The following SLC39A11 variants were observed in gnomAD, a reference collection of about 807,000 sequenced individuals.
SLC39A11 encodes the protein zinc transporter ZIP11.
A neutral mutation model predicts 36.1 loss-of-function variants in SLC39A11; 33 were observed. The observed-to-expected ratio is 0.91, with a 90% CI of 0.69 to 1.22. SLC39A11 has a LOEUF of 1.22. Ranked by LOEUF, SLC39A11 falls within the 50% of genes most tolerant of loss-of-function variation. SLC39A11 has a pLI of 0.00. For synonymous variants in SLC39A11, 166 were observed against 170.3 expected, an observed-to-expected ratio of 0.97 and a Z score of 0.20; for missense variants, 432 against 430.3, an observed-to-expected ratio of 1.00 and a Z score of -0.03.
At chr17:72,663,520 G>A (rs955756146) in intron 7 of SLC39A11, among the ~76,000 whole-genome samples, 3 of 152,118 alleles carry the variant, frequency 2.0e-5, no homozygotes, top group Admixed American at 1.3e-4. Context: ...TCTCCTGAAG[G>A]AGAATCACTA....
At chr17:72,698,844 G>T (rs989314425) in intron 7 of SLC39A11, among the ~76,000 whole-genome samples, 1 of 151,926 alleles carries the variant, frequency 6.6e-6, no homozygotes, top group East Asian at 1.9e-4. Flanking sequence ...TTTTTGTTTT[G>T]TTTTGAGAGG....
At chr17:73,090,633 T>A (rs1261440631) in intron 1 of SLC39A11, among the ~76,000 whole-genome samples, 2 of 152,218 alleles carry the variant, frequency 1.3e-5, no homozygotes, top group Non-Finnish European at 2.9e-5. Context: ...AAAACACCTT[T>A]CTTTCCTGTA....
intron 5 of SLC39A11, among the ~76,000 whole-genome samples, chr17:72,878,122 A>G (rs1473553787): frequency 6.6e-6 from 1 of 151,924 alleles, no homozygotes; most frequent in Non-Finnish European, 1.5e-5. Flanking sequence ...TTCCAGCTTC[A>G]TCCATGTCCC....
At position 72,872,586 on chromosome 17, in the gene SLC39A11, C is replaced by T. The variant is rs1305357001; in HGVS notation, c.431-22782G>A. Among the ~76,000 whole-genome samples the T allele has an allele frequency of 4.6e-5, 7 of 152,328 alleles. No homozygotes were observed. In the South Asian group the frequency reaches 1.2e-3, roughly 27 times the overall value. On this transcript the variant is annotated intron_variant, in intron 5 of 9. Coordinates refer to ENST00000255559, the MANE Select transcript of SLC39A11 (RefSeq NM_139177.4). ...CTTACATAGCTGATCCATCTTGCTT[C>T]TAACCTCATAAGCTGTCATCCCTGG...
At chr17:73,055,140 A>G (rs1365886589) in intron 3 of SLC39A11, among the ~76,000 whole-genome samples, 2 of 152,208 alleles carry the variant, frequency 1.3e-5, no homozygotes, top group South Asian at 2.1e-4. Flanking sequence ...GTCCCAAGCC[A>G]GTTGGCTGCT....
intron 7 of SLC39A11, among the ~76,000 whole-genome samples, chr17:72,667,621 C>G (rs187761238): frequency 2.6e-5 from 4 of 152,232 alleles, no homozygotes; most frequent in Admixed American, 2.6e-4. Flanking sequence ...CATATGCTAC[C>G]AATGCTATGA....
intron 6 of SLC39A11, among the ~76,000 whole-genome samples, chr17:72,769,001 C>T (rs1290099775): frequency 6.6e-6 from 1 of 152,158 alleles, no homozygotes; most frequent in African/African-American, 2.4e-5. Flanking sequence ...ACCTCATGAT[C>T]CACCCACTTC....
chr17:72,711,525 G>C (rs1186471833), intron 7 of SLC39A11, among the ~76,000 whole-genome samples: 1 of 152,308 alleles, frequency 6.6e-6, no homozygotes, highest in Admixed American at 6.5e-5. Context: ...CTAGGTGAGA[G>C]AGAAATCAAC....
intron 3 of SLC39A11, among the ~76,000 whole-genome samples, chr17:73,057,460 A>G (rs948186625): frequency 6.6e-6 from 1 of 152,188 alleles, no homozygotes; most frequent in Non-Finnish European, 1.5e-5. Flanking sequence ...CCTAGTCTGA[A>G]TTTACTTTTT....
chr17:72,841,495 TA>T (rs1475009745), intron 6 of SLC39A11, among the ~76,000 whole-genome samples: 1 of 152,050 alleles, frequency 6.6e-6, no homozygotes. Flanking sequence ...AGCTAAAAAT[TA>T]AAACAATTGA....
At chr17:72,892,324 T>A (rs2081797075) in intron 5 of SLC39A11, among the ~76,000 whole-genome samples, 1 of 150,896 alleles carries the variant, frequency 6.6e-6, no homozygotes, top group African/African-American at 2.4e-5. Context: ...GTAGGAGAAT[T>A]GCTTGAACTC....
intron 6 of SLC39A11, among the ~76,000 whole-genome samples, chr17:72,787,022 G>A (rs1456315618): frequency 6.6e-6 from 1 of 151,938 alleles, no homozygotes; most frequent in Non-Finnish European, 1.5e-5. Flanking sequence ...GTTTCACCAT[G>A]TTGGTCAGGC....
At chr17:73,084,527 T>C (rs543614084) in intron 3 of SLC39A11, among the ~76,000 whole-genome samples, 1 of 149,160 alleles carries the variant, frequency 6.7e-6, no homozygotes, top group South Asian at 2.2e-4. Context: ...TAGAGCCAAC[T>C]ATGTATTAGG....
chr17:72,917,096 C>T (rs1211204454), intron 5 of SLC39A11, among the ~76,000 whole-genome samples: 2 of 152,196 alleles, frequency 1.3e-5, no homozygotes, highest in Non-Finnish European at 1.5e-5. Flanking sequence ...AAAGGACACC[C>T]AGCGGGGGAA....
At chr17:72,906,546 G>A (rs1391708659) in intron 5 of SLC39A11, among the ~76,000 whole-genome samples, 1 of 152,218 alleles carries the variant, frequency 6.6e-6, no homozygotes, top group Admixed American at 6.5e-5. Context: ...CTGGAATGAT[G>A]CCTAGGCCAA....
At chr17:72,806,052 G>A (rs1568123195) in intron 6 of SLC39A11, among the ~76,000 whole-genome samples, 1 of 152,014 alleles carries the variant, frequency 6.6e-6, no homozygotes, top group Non-Finnish European at 1.5e-5. Flanking sequence ...CGCACCTGGT[G>A]GCTTACAGTT....
intron 1 of SLC39A11, 58 bp from the exon 2 acceptor site, chr17:73,088,833 T>C: frequency 7.9e-7 from 1 of 1,269,502 alleles, no homozygotes; most frequent in Non-Finnish European, 1.1e-6. Context: ...GACAGGCGCA[T>C]ATTCTGACGG....
chr17:72,917,769 GTTA>G (rs1277830394), intron 5 of SLC39A11, among the ~76,000 whole-genome samples: 1 of 152,228 alleles, frequency 6.6e-6, no homozygotes, highest in Non-Finnish European at 1.5e-5. Flanking sequence ...GTCCAACTGA[GTTA>G]TTATCAGTAG....
intron 3 of SLC39A11, among the ~76,000 whole-genome samples, chr17:73,033,205 T>C (rs1243870723): frequency 6.6e-6 from 1 of 152,210 alleles, no homozygotes; most frequent in Non-Finnish European, 1.5e-5. Context: ...CTCACTCACT[T>C]GTCCGCTGCT....
Sources: gnomAD v4.1 joint callset for allele counts (sites outside exome capture counted in the v4.1 genomes callset) on GRCh38, gnomAD v4.1.1 for gene constraint, MANE v1.5 for transcripts, NCBI Gene and HGNC (gene_info 2026-07-23, HGNC 2026-07-21) for gene names.